The following PCDHGA10 variants were observed in gnomAD, a reference collection of about 807,000 sequenced individuals.
PCDHGA10 encodes protocadherin gamma-A10.
Under a neutral mutation model 59.5 loss-of-function variants are expected in PCDHGA10, and 42 were observed. The observed-to-expected ratio is 0.71, with a 90% CI of 0.55 to 0.91. The LOEUF (loss-of-function observed/expected upper bound fraction) is 0.91, where lower values mean the gene tolerates loss of function less well. Ranked by LOEUF, PCDHGA10 falls within the 40% of genes least tolerant of loss-of-function variation. The probability of loss-of-function intolerance (pLI) is 0.00; values close to 1 mark genes in which losing one functional copy is unlikely to be tolerated. For synonymous variants in PCDHGA10, 511 were observed against 517.2 expected, an observed-to-expected ratio of 0.99 and a Z score of 0.16; for missense variants, 1,111 against 1,198.2, an observed-to-expected ratio of 0.93 and a Z score of 1.07.
chr5:141,428,082 G>A lies in PCDHGA10; in HGVS notation c.2436+12471G>A, dbSNP rs776612130. 2.5e-6 allele frequency: 4 copies of A among 1,609,030 alleles called. No individual in the cohort carries two copies. In the African/African-American group the frequency reaches 5.3e-5, roughly 21 times the overall value. On this transcript the variant is annotated intron_variant, in intron 1 of 3. Transcript: ENST00000398610. ...GGTGGACGCAGATTCGGGACACAACGCTTGGCTGTCCTACCACGTGCTGCA... is the reference window on the plus strand; with the variant it reads ...GGTGGACGCAGATTCGGGACACAACACTTGGCTGTCCTACCACGTGCTGCA...
Position 141,487,302 on chromosome 5 carries a change from C to T in PCDHGA10, c.2437-7505C>T, listed in dbSNP as rs763268817. 3.7e-6 allele frequency: 6 copies of T among 1,614,154 alleles called. No homozygotes were observed. The highest frequency in any genetic ancestry group is 3.4e-6 in the Non-Finnish European group (4 of 1,180,002). On this transcript the variant is annotated intron_variant, in intron 1 of 3. Transcript: ENST00000398610. This position sits in a 1 kb window ranked among gnomAD's most constrained non-coding sequence, Gnocchi z 5.0. ...TTTGTCTCCTTTGGCTCATTCGTGGCACTACTCTCTAAGTGTCTTCGTGGG... is the reference window on the plus strand; with the variant it reads ...TTTGTCTCCTTTGGCTCATTCGTGGTACTACTCTCTAAGTGTCTTCGTGGG...
intron 1 of PCDHGA10, 146 bp from the exon 2 acceptor site, chr5:141,494,661 G>C (rs2099755951): frequency 6.7e-7 from 1 of 1,492,856 alleles, no homozygotes; most frequent in African/African-American, 1.4e-5. Context: ...TTTGTCTTTG[G>C]AGATGAGTCC....
chr5:141,440,451 A>G (rs2098179077), intron 1 of PCDHGA10: 1 of 152,230 alleles, frequency 6.6e-6, no homozygotes, highest in Non-Finnish European at 1.5e-5. Flanking sequence ...CATCTCAAAA[A>G]AAATGAACAA....
At position 141,430,860 on chromosome 5, in the gene PCDHGA10, C is replaced by G. The variant is rs773955533; in HGVS notation, c.2436+15249C>G. ...ACCGGATGCACCCAGATACGCTATTCAGTTCCGGAAGAGCTGGAGAAAGGC... is the reference window on the plus strand; with the variant it reads ...ACCGGATGCACCCAGATACGCTATTGAGTTCCGGAAGAGCTGGAGAAAGGC... On this transcript the variant is annotated intron_variant, in intron 1 of 3. Transcript: ENST00000398610. 4 of 1,592,382 alleles carry G rather than the reference C, an allele frequency of 2.5e-6. No individual in the cohort carries two copies. In the South Asian group the frequency reaches 4.6e-5, roughly 18 times the overall value.
intron 2 of PCDHGA10, among the ~76,000 whole-genome samples, chr5:141,498,009 C>T (rs1160103624): frequency 6.6e-6 from 1 of 152,146 alleles, no homozygotes; most frequent in African/African-American, 2.4e-5. Context: ...TTACAGTGCA[C>T]TGAAGGAGAC....
At position 141,500,184 on chromosome 5, in the gene PCDHGA10, TTTTATTTATTTATTTA is replaced by T. The variant is rs58019021; in HGVS notation, c.2496-5182_2496-5167del. Among the ~76,000 whole-genome samples the T allele has an allele frequency of 2.1e-3, 289 of 135,964 alleles. 1 individual carries two copies. Among genetic ancestry groups the T allele is most frequent in the Middle Eastern group, 0.016 (4 of 248 alleles). The allele number at this position is 135,964 out of a possible 152,430, so 89.2% of individuals were successfully genotyped here. A position where few individuals can be genotyped will look rare whatever the true frequency, so the allele number is the denominator to read the frequency against. On this transcript the variant is annotated intron_variant, in intron 2 of 3. Coordinates refer to ENST00000398610, the MANE Select transcript of PCDHGA10 (RefSeq NM_018913.3). ...GAACATGCATGAGCTTCATTTTTAT[TTTTATTTATTTATTTA>T]TTTATTTATTTATTTATTTATTTAT...
Position 141,511,983 on chromosome 5 carries a change from G to C in PCDHGA10, c.*810G>C, listed in dbSNP as rs904146751. On this transcript the variant is annotated 3_prime_UTR_variant, in exon 4 of 4. Coordinates refer to ENST00000398610, the MANE Select transcript of PCDHGA10 (RefSeq NM_018913.3). ...AGGGAAGTGTGTGGATGTGGATGGT[G>C]GGGGCATGGACAAAGCTTGACACAT... 6.5e-6 allele frequency: 1 copy of C among 153,280 alleles called. No individual in the cohort carries two copies. The allele number at this position is 153,280 out of a possible 1,614,324, so 9.5% of individuals were successfully genotyped here.
rs1421093311 is a variant in PCDHGA10 at position 141,413,373 on chromosome 5, C to T, written c.198C>T (p.Arg66=). 1.2e-6 allele frequency: 2 copies of T among 1,613,946 alleles called. No individual in the cohort carries two copies. Among genetic ancestry groups the T allele is most frequent in the Non-Finnish European group, 1.7e-6 (2 of 1,179,900 alleles). Residue 66 remains arginine (R), a synonymous_variant, in exon 1 of 4, where the codon CGC becomes CGT. Coordinates refer to ENST00000398610, the MANE Select transcript of PCDHGA10 (RefSeq NM_018913.3). ...TGGCGCCCCGGGAGCTGGCGGAGCG[C>T]GGAGTCCGCATAGTCTCCAGAGGTA... ...LGLAPRELAE[R]GVRIVSRGRT... is the part of the protein sequence containing the mutation.
At chr5:141,437,764 A>G (rs1408729040) in intron 1 of PCDHGA10, among the ~76,000 whole-genome samples, 1 of 149,226 alleles carries the variant, frequency 6.7e-6, no homozygotes, top group Non-Finnish European at 1.5e-5. Flanking sequence ...TTTGAGACAG[A>G]GTCTCAATCT....
At position 141,431,276 on chromosome 5, in the gene PCDHGA10, A is replaced by T; in HGVS notation, c.2436+15665A>T. 6.2e-7 allele frequency: 1 copy of T among 1,614,176 alleles called. No individual in the cohort carries two copies. Among genetic ancestry groups the T allele is most frequent in the South Asian group, 1.1e-5 (1 of 91,084 alleles). ...GAACTCTCTGCAGAGCTACGAGCTC[A>T]GCCCGAACACTCACTTCTCCCTCAT... is the stretch of plus-strand genomic sequence containing the variant. On this transcript the variant is annotated intron_variant, in intron 1 of 3. Transcript: ENST00000398610. The surrounding 1 kb of genome is among the most constrained non-coding windows in gnomAD (Gnocchi z 4.8).
At chr5:141,483,076 C>A (rs964178941) in intron 1 of PCDHGA10, among the ~76,000 whole-genome samples, 8 of 152,044 alleles carry the variant, frequency 5.3e-5, no homozygotes, top group Non-Finnish European at 8.8e-5. Context: ...CAGAGAGAGA[C>A]TCCATCTCAA....
chr5:141,416,063 A>G (rs546746824), intron 1 of PCDHGA10: 201 of 176,914 alleles, frequency 1.1e-3, no homozygotes, highest in Non-Finnish European at 1.8e-3. Flanking sequence ...ATCCAAGAAT[A>G]CTCAATGCAG....
intron 1 of PCDHGA10, chr5:141,419,059 T>C (rs574873856): frequency 1.6e-5 from 26 of 1,613,962 alleles, no homozygotes; most frequent in Non-Finnish European, 2.0e-5. Context: ...CTTCTAATAA[T>C]TACTACAAGC....
chr5:141,477,697 T>G lies in PCDHGA10; in HGVS notation c.2437-17110T>G, dbSNP rs745625196. ...TGTCATCCTTAGTGCCCCTAGACTA[T>G]GAGGATCGGCGGGAATTTGAATTAA... On this transcript the variant is annotated intron_variant, in intron 1 of 3. Coordinates refer to ENST00000398610, the MANE Select transcript of PCDHGA10 (RefSeq NM_018913.3). The surrounding 1 kb of genome is among the most constrained non-coding windows in gnomAD (Gnocchi z 4.9). 6.2e-7 allele frequency: 1 copy of G among 1,614,160 alleles called. No homozygotes were observed. Among genetic ancestry groups the G allele is most frequent in the South Asian group, 1.1e-5 (1 of 91,090 alleles).
chr5:141,494,977 T>C, intron 2 of PCDHGA10, 112 bp downstream of exon 2: 1 of 1,574,332 alleles, frequency 6.4e-7, no homozygotes, highest in East Asian at 2.3e-5. Context: ...TCTCCCTCAG[T>C]TTGAGATCCC....
At position 141,489,380 on chromosome 5, in the gene PCDHGA10, A is replaced by G. The variant is rs753226956; in HGVS notation, c.2437-5427A>G. ...TCTGAGCCGGGGACGCTGGTGGGGA[A>G]TGTTGCTCAGGATCTGGGCTTAAAG... is the stretch of plus-strand genomic sequence containing the variant. On this transcript the variant is annotated intron_variant, in intron 1 of 3. Transcript: ENST00000398610. The surrounding 1 kb of genome is among the most constrained non-coding windows in gnomAD (Gnocchi z 4.5). The G allele has an allele frequency of 1.9e-6, 3 of 1,613,874 alleles. No individual in the cohort carries two copies. Among genetic ancestry groups the G allele is most frequent in the Admixed American group, 1.7e-5 (1 of 60,026 alleles).
rs1214312992 is a variant in PCDHGA10 at position 141,414,124 on chromosome 5, G to T, written c.949G>T (p.Gly317Cys). 6.3e-7 allele frequency: 1 copy of T among 1,592,872 alleles called. No individual in the cohort carries two copies. Among genetic ancestry groups the T allele is most frequent in the East Asian group, 2.3e-5 (1 of 44,150 alleles). Residue 317 changes from glycine (G) to cysteine (C), a missense_variant, in exon 1 of 4, where the codon GGT becomes TGT. Gly to Cys is a radical substitution (Grantham distance 159). Coordinates refer to ENST00000398610, the MANE Select transcript of PCDHGA10 (RefSeq NM_018913.3). Reference sequence around the variant, plus strand: ...AGAAAATCTAGATTATGAAGAAACCGGTTTCTATGAAATAGAAATACAAGC... The same window carrying T: ...AGAAAATCTAGATTATGAAGAAACCTGTTTCTATGAAATAGAAATACAAGC... ...ISENLDYEET[G>C]FYEIEIQAED... is the part of the protein sequence containing the mutation.
chr5:141,460,936 A>G (rs189741735), intron 1 of PCDHGA10, among the ~76,000 whole-genome samples: 31 of 149,318 alleles, frequency 2.1e-4, no homozygotes, highest in Non-Finnish European at 3.8e-4. Flanking sequence ...GTGTGTGTGT[A>G]TATATATGTA....
chr5:141,434,506 T>C (rs2154556236), intron 1 of PCDHGA10, among the ~76,000 whole-genome samples: 2 of 152,344 alleles, frequency 1.3e-5, no homozygotes, highest in East Asian at 3.9e-4. Context: ...GGCAGAAAAC[T>C]GCTTAAAGGT....
Sources: allele counts gnomAD v4.1 joint callset (sites outside exome capture counted in the v4.1 genomes callset), GRCh38; gene constraint gnomAD v4.1.1; non-coding constraint Gnocchi (gnomAD v3.1); transcripts MANE v1.5; gene names NCBI Gene and HGNC (gene_info 2026-07-23, HGNC 2026-07-21).